MYO5A: variants seen among roughly 807,000 people sequenced by gnomAD.
The protein encoded by MYO5A is myosin VA.
In MYO5A, 98 loss-of-function variants were observed where a neutral mutation model predicts 249.7. The observed-to-expected ratio is 0.39, with a 90% CI of 0.33 to 0.46. The LOEUF (loss-of-function observed/expected upper bound fraction) is 0.46. Among genes scored for constraint, MYO5A ranks in the 20% least tolerant of loss-of-function variants. MYO5A has a pLI of 0.98. For synonymous variants in MYO5A, 778 were observed against 810.6 expected (o/e 0.96, Z 0.68); for missense variants, 1,696 against 2,308.8 (o/e 0.73, Z 5.44).
At chr15:52,391,734 GA>G (rs2042246053) in intron 12 of MYO5A, among the ~76,000 whole-genome samples, 195 bp downstream of exon 12, 1 of 152,160 alleles carries the variant, frequency 6.6e-6, no homozygotes, top group Non-Finnish European at 1.5e-5. Context: ...CTGAAAAGAG[GA>G]GGGAAATTCT....
At chr15:52,462,715 G>A (rs944640810) in intron 1 of MYO5A, among the ~76,000 whole-genome samples, 1 of 152,046 alleles carries the variant, frequency 6.6e-6, no homozygotes, top group Admixed American at 6.6e-5. Flanking sequence ...GGGCACGGTG[G>A]CACACACCTG....
chr15:52,437,002 T>G (rs550893278), intron 1 of MYO5A, among the ~76,000 whole-genome samples: 1 of 152,344 alleles, frequency 6.6e-6, no homozygotes, highest in East Asian at 1.9e-4. Context: ...AGAAACTTCA[T>G]GAAAAGTATA....
chr15:52,316,825 A>C (rs1213873826), intron 40 of MYO5A, among the ~76,000 whole-genome samples: 1 of 152,216 alleles, frequency 6.6e-6, no homozygotes, highest in East Asian at 1.9e-4. Flanking sequence ...GTACTCAATA[A>C]ATATTTGCTG....
intron 4 of MYO5A, among the ~76,000 whole-genome samples, chr15:52,416,604 TAA>T (rs1567106389): frequency 6.6e-6 from 1 of 152,174 alleles, no homozygotes; most frequent in Admixed American, 6.5e-5. Context: ...AACAAAGCGT[TAA>T]GTTACCTTTT....
chr15:52,392,637 G>A lies in MYO5A; in HGVS notation c.1402-567C>T, dbSNP rs185553504. On this transcript the variant is annotated intron_variant, in intron 11 of 41. Transcript: ENST00000399233. The stretch of plus-strand genomic sequence containing the variant: ...TTTTCTGGTTTCCACATTAAATTCT[G>A]TTAGCAACTGCAACTGCTAGTCCAT... Among the ~76,000 whole-genome samples the A allele has an allele frequency of 2.8e-3, 421 of 152,322 alleles. 2 individuals are homozygous for A. Among genetic ancestry groups the A allele is most frequent in the African/African-American group, 9.8e-3 (406 of 41,568 alleles).
intron 1 of MYO5A, among the ~76,000 whole-genome samples, chr15:52,475,901 G>T (rs778725023): frequency 4.6e-5 from 7 of 152,154 alleles, no homozygotes; most frequent in Non-Finnish European, 7.4e-5. Context: ...ATGTCTATTA[G>T]GTACACTTGG....
rs149577330 is a variant in MYO5A at position 52,386,965 on chromosome 15, C to T, written c.1752+864G>A. Among the ~76,000 whole-genome samples, 362 of 152,282 alleles carry T rather than the reference C, an allele frequency of 2.4e-3. 2 individuals carry two copies. The highest frequency in any genetic ancestry group is 8.5e-3 in the African/African-American group (353 of 41,540). On this transcript the variant is annotated intron_variant, in intron 14 of 41. Transcript: ENST00000399233. ...AAACAACAGTCAAAATATTCATATA[C>T]TATTCCACTGAAGTTAAAAAGATTC... is the stretch of plus-strand genomic sequence containing the variant.
chr15:52,446,375 G>A (rs2075890883), intron 1 of MYO5A, among the ~76,000 whole-genome samples: 1 of 152,268 alleles, frequency 6.6e-6, no homozygotes, highest in Admixed American at 6.5e-5. Flanking sequence ...AAGCCTGTAG[G>A]TGTACAGAAT....
chr15:52,339,936 C>T (rs1443081554), intron 32 of MYO5A, among the ~76,000 whole-genome samples: 1 of 152,178 alleles, frequency 6.6e-6, no homozygotes, highest in African/African-American at 2.4e-5. Context: ...ATCAAAAGCC[C>T]AGCCTGCACC....
intron 20 of MYO5A, among the ~76,000 whole-genome samples, 165 bp from the exon 21 acceptor site, chr15:52,372,528 A>G (rs559929829): frequency 1.3e-5 from 2 of 152,362 alleles, no homozygotes; most frequent in African/African-American, 2.4e-5. Flanking sequence ...TATGGAGGCT[A>G]CAAAATTATT....
chr15:52,524,635 T>A (rs185096272), intron 1 of MYO5A, among the ~76,000 whole-genome samples: 1 of 151,826 alleles, frequency 6.6e-6, no homozygotes, highest in Non-Finnish European at 1.5e-5. Context: ...TCCCACACTA[T>A]GGGAGGTGGA....
At chr15:52,392,443 T>C (rs1200051819) in intron 11 of MYO5A, among the ~76,000 whole-genome samples, 4 of 152,248 alleles carry the variant, frequency 2.6e-5, no homozygotes, top group Admixed American at 2.6e-4. Context: ...ACAACTATGT[T>C]GATGCCCTCC....
chr15:52,403,857 A>G (rs1271118189), intron 9 of MYO5A, among the ~76,000 whole-genome samples: 1 of 152,212 alleles, frequency 6.6e-6, no homozygotes, highest in East Asian at 1.9e-4. Flanking sequence ...ATTAGGACCC[A>G]TGGCTTAGGA....
At chr15:52,377,087 A>G (rs1447687287) in intron 18 of MYO5A, among the ~76,000 whole-genome samples, 1 of 152,220 alleles carries the variant, frequency 6.6e-6, no homozygotes, top group Non-Finnish European at 1.5e-5. Flanking sequence ...TTTATCAATA[A>G]TATCTGAAAA....
chr15:52,460,497 C>A lies in MYO5A; in HGVS notation c.28-27212G>T, dbSNP rs189253356. 3.1e-4 allele frequency among the ~76,000 whole-genome samples: 47 copies of A among 152,290 alleles called. No individual in the cohort carries two copies. In the East Asian group the frequency reaches 9.1e-3, roughly 29 times the overall value. On this transcript the variant is annotated intron_variant, in intron 1 of 41. Transcript: ENST00000399233. ...CCGTCTCCACCAAAAAATACGAAAA[C>A]CAGTCAGGTGTGGCGGCGCGCGCCT...
At chr15:52,505,851 C>T (rs2077258270) in intron 1 of MYO5A, 1 of 1,582,002 alleles carries the variant, frequency 6.3e-7, no homozygotes, top group African/African-American at 1.4e-5. Flanking sequence ...TGGCTGCTTT[C>T]AACAAGATCT....
chr15:52,442,584 T>A (rs1398429699), intron 1 of MYO5A, among the ~76,000 whole-genome samples: 1 of 152,090 alleles, frequency 6.6e-6, no homozygotes, highest in Admixed American at 6.6e-5. Flanking sequence ...CCAGGTATTT[T>A]ACATGTATAA....
chr15:52,343,948 C>G (rs1048982460), intron 30 of MYO5A, among the ~76,000 whole-genome samples: 1 of 151,962 alleles, frequency 6.6e-6, no homozygotes, highest in Non-Finnish European at 1.5e-5. Context: ...ACATTCTTTC[C>G]ACATGTACTA....
intron 1 of MYO5A, among the ~76,000 whole-genome samples, chr15:52,469,648 T>C (rs773772584): frequency 6.6e-6 from 1 of 152,206 alleles, no homozygotes; most frequent in Non-Finnish European, 1.5e-5. Flanking sequence ...TCTAAGAATG[T>C]TTCTATAAGG....
Sources: gnomAD v4.1 joint callset for allele counts (sites outside exome capture counted in the v4.1 genomes callset) on GRCh38, gnomAD v4.1.1 for gene constraint, MANE v1.5 for transcripts, NCBI Gene and HGNC (gene_info 2026-07-23, HGNC 2026-07-21) for gene names.